CNIH3: variants seen among roughly 807,000 people sequenced by gnomAD.
CNIH3 encodes the protein cornichon family AMPA receptor auxiliary protein 3.
CNIH3 carries 14 observed loss-of-function variants against 24.1 expected under a neutral mutation model. The observed-to-expected ratio is 0.58, with a 90% CI of 0.38 to 0.91. CNIH3 has a LOEUF of 0.91. Among genes scored for constraint, CNIH3 ranks in the 40% least tolerant of loss-of-function variants. The pLI is 0.00. For synonymous variants in CNIH3, 68 were observed against 73.8 expected, an observed-to-expected ratio of 0.92 and a Z score of 0.40; for missense variants, 178 against 196.8, an observed-to-expected ratio of 0.90 and a Z score of 0.57.
At chr1:224,682,474 T>C (rs566484110) in intron 2 of CNIH3, among the ~76,000 whole-genome samples, 5 of 152,336 alleles carry the variant, frequency 3.3e-5, no homozygotes, top group African/African-American at 1.2e-4. Context: ...TTCCATGAAA[T>C]AGAGACGAAC....
intron 1 of CNIH3, among the ~76,000 whole-genome samples, chr1:224,676,875 G>A (rs1686165139): frequency 6.6e-6 from 1 of 152,214 alleles, no homozygotes; most frequent in African/African-American, 2.4e-5. Flanking sequence ...GTGCTAAGTG[G>A]GGGGTAGCCT....
intron 1 of CNIH3, among the ~76,000 whole-genome samples, chr1:224,456,262 A>G (rs1675649050): frequency 6.6e-6 from 1 of 152,210 alleles, no homozygotes; most frequent in African/African-American, 2.4e-5. Context: ...CTGCATAGCA[A>G]CGTTCCATCC....
chr1:224,490,462 G>A (rs894567701), intron 1 of CNIH3, among the ~76,000 whole-genome samples: 2 of 152,124 alleles, frequency 1.3e-5, no homozygotes, highest in African/African-American at 4.8e-5. Flanking sequence ...GGCCCAGGAG[G>A]GTATTAGTTT....
At chr1:224,538,538 A>G (rs1337101393), downstream of CNIH3, among the ~76,000 whole-genome samples, 1 of 152,010 alleles carries the variant, frequency 6.6e-6, no homozygotes, top group African/African-American at 2.4e-5. Flanking sequence ...GAGTTTTCAA[A>G]CCCCATGCCT....
chr1:224,587,558 T>C (rs1681562789), intron 5 of CNIH3: 1 of 152,124 alleles, frequency 6.6e-6, no homozygotes. Flanking sequence ...CTGAAAGAGG[T>C]ATTTCTAACC....
intron 3 of CNIH3, among the ~76,000 whole-genome samples, chr1:224,598,513 A>T (rs886180644): frequency 2.0e-5 from 3 of 152,242 alleles, no homozygotes; most frequent in Non-Finnish European, 4.4e-5. Flanking sequence ...AAGTTCTACT[A>T]TAGGCAAAAT....
intron 4 of CNIH3, among the ~76,000 whole-genome samples, chr1:224,572,803 A>T (rs900901287): frequency 2.0e-5 from 3 of 152,144 alleles, no homozygotes; most frequent in Non-Finnish European, 2.9e-5. Flanking sequence ...GCAATGTTTC[A>T]TAGTTTTCAG....
chr1:224,475,058 A>G (rs1460294100), intron 1 of CNIH3, among the ~76,000 whole-genome samples: 13 of 146,124 alleles, frequency 8.9e-5, no homozygotes, highest in Non-Finnish European at 1.6e-4. Context: ...AAAAAAAGAA[A>G]AAAAAAAAAG....
chr1:224,495,836 C>T (rs964787662), intron 1 of CNIH3, among the ~76,000 whole-genome samples: 6 of 152,122 alleles, frequency 3.9e-5, no homozygotes, highest in African/African-American at 1.4e-4. Context: ...CTCCTATAAT[C>T]CCATCACTTT....
intron 1 of CNIH3, among the ~76,000 whole-genome samples, chr1:224,642,646 C>T (rs1195080918): frequency 6.6e-6 from 1 of 152,204 alleles, no homozygotes; most frequent in Non-Finnish European, 1.5e-5. Flanking sequence ...TACCACTGTG[C>T]TCCTCTACCT....
intron 1 of CNIH3, among the ~76,000 whole-genome samples, chr1:224,625,443 C>T (rs996192144): frequency 6.6e-6 from 1 of 152,078 alleles, no homozygotes; most frequent in Non-Finnish European, 1.5e-5. Flanking sequence ...ATAGTCCCAG[C>T]TACTCGGGAT....
At chr1:224,642,834 A>G (rs573190793) in intron 1 of CNIH3, among the ~76,000 whole-genome samples, 2 of 152,354 alleles carry the variant, frequency 1.3e-5, no homozygotes, top group African/African-American at 4.8e-5. Flanking sequence ...GCATCTCTGC[A>G]TCGAAAGCAT....
intron 3 of CNIH3, among the ~76,000 whole-genome samples, chr1:224,707,848 A>G (rs1687907199): frequency 6.6e-6 from 1 of 152,186 alleles, no homozygotes; most frequent in African/African-American, 2.4e-5. Flanking sequence ...CAAATAAATG[A>G]ACATCCTGCC....
chr1:224,738,053 T>C (rs1310124854), intron 5 of CNIH3, among the ~76,000 whole-genome samples: 2 of 152,230 alleles, frequency 1.3e-5, no homozygotes, highest in Non-Finnish European at 2.9e-5. Context: ...ATCTATGTTA[T>C]TTATGATTTA....
chr1:224,616,957 C>G lies in CNIH3; in HGVS notation c.-218C>G. 7.2e-7 allele frequency: 1 copy of G among 1,391,052 alleles called. No individual in the cohort carries two copies. The highest frequency in any genetic ancestry group is 9.3e-7 in the Non-Finnish European group (1 of 1,078,200). 86.2% of individuals were successfully genotyped at this position (1,391,052 alleles called of 1,614,324 possible). A position where few individuals can be genotyped will look rare whatever the true frequency, so the allele number is the denominator to read the frequency against. On this transcript the variant is annotated 5_prime_UTR_variant, in exon 1 of 6. Transcript: ENST00000272133. The stretch of plus-strand genomic sequence containing the variant: ...CGACTCTCGACACACGTTTTCCTGT[C>G]TTCGCCGGAGGGCCGGGTCTGGGGT...
At chr1:224,448,878 G>A (rs1291413148) in intron 1 of CNIH3, among the ~76,000 whole-genome samples, 1 of 152,080 alleles carries the variant, frequency 6.6e-6, no homozygotes, top group East Asian at 1.9e-4. Flanking sequence ...GAGCTCCAGA[G>A]GCCTCGTGCC....
At chr1:224,653,672 A>G (rs1317598785) in intron 1 of CNIH3, among the ~76,000 whole-genome samples, 1 of 152,238 alleles carries the variant, frequency 6.6e-6, no homozygotes, top group African/African-American at 2.4e-5. Context: ...GACGCTGTAC[A>G]AACTCAATAT....
chr1:224,519,613 A>G (rs1367899999), intron 1 of CNIH3, among the ~76,000 whole-genome samples: 1 of 149,626 alleles, frequency 6.7e-6, no homozygotes. Flanking sequence ...ATTAAATAAT[A>G]TATATAATAT....
intron 4 of CNIH3, chr1:224,574,765 G>A (rs1238289865): frequency 9.8e-6 from 11 of 1,118,248 alleles, no homozygotes; most frequent in African/African-American, 1.5e-5. Context: ...TACCTTATTC[G>A]CTGGCCAACC....
Sources: gnomAD v4.1 joint callset for allele counts (sites outside exome capture counted in the v4.1 genomes callset) on GRCh38, gnomAD v4.1.1 for gene constraint, MANE v1.5 for transcripts, NCBI Gene and HGNC (gene_info 2026-07-23, HGNC 2026-07-21) for gene names.